NIM1K: variants seen among roughly 807,000 people sequenced by gnomAD.
NIM1K encodes the protein NIM1 serine/threonine protein kinase.
Under a neutral mutation model 37.1 loss-of-function variants are expected in NIM1K, and 35 were observed. The observed-to-expected ratio is 0.94, with a 90% CI of 0.72 to 1.25. The LOEUF is 1.25. NIM1K is among the 50% of genes most tolerant of loss of function. The pLI is 0.00. For missense variants in NIM1K, 564 were observed against 548.0 expected (o/e 1.03, Z -0.29); for synonymous variants, 234 against 206.6 (o/e 1.13, Z -1.14).
intron 2 of NIM1K, among the ~76,000 whole-genome samples, chr5:43,261,637 G>T (rs928908785): frequency 1.3e-5 from 2 of 151,762 alleles, no homozygotes; most frequent in African/African-American, 2.4e-5. Context: ...GTCAATTTTG[G>T]CTTTTGTTGC....
At position 43,265,642 on chromosome 5, in the gene NIM1K, C is replaced by T. The variant is rs532857709; in HGVS notation, c.293-11415C>T. 2.4e-4 allele frequency among the ~76,000 whole-genome samples: 37 copies of T among 152,336 alleles called. No individual in the cohort carries two copies. In the South Asian group the frequency reaches 5.6e-3, roughly 23 times the overall value. On this transcript the variant is annotated intron_variant, in intron 2 of 3. Transcript: ENST00000326035. Reference sequence around the variant, plus strand: ...CTCTCAACTCATCAAATTCATTCTCCGTCCAGCTTTGTTCTATGGCTGGCA... The same window carrying T: ...CTCTCAACTCATCAAATTCATTCTCTGTCCAGCTTTGTTCTATGGCTGGCA...
At chr5:43,265,077 G>A (rs1175144163) in intron 2 of NIM1K, among the ~76,000 whole-genome samples, 2 of 152,176 alleles carry the variant, frequency 1.3e-5, no homozygotes, top group Non-Finnish European at 2.9e-5. Context: ...CAACTTTGGT[G>A]AATCTGACAA....
At chr5:43,276,096 T>C (rs1753335806) in intron 2 of NIM1K, among the ~76,000 whole-genome samples, 1 of 152,152 alleles carries the variant, frequency 6.6e-6, no homozygotes, top group African/African-American at 2.4e-5. Context: ...GGTTTCACCA[T>C]GTTGGCCAGG....
At chr5:43,257,192 A>G (rs908679786) in intron 2 of NIM1K, among the ~76,000 whole-genome samples, 2 of 152,032 alleles carry the variant, frequency 1.3e-5, no homozygotes, top group African/African-American at 2.4e-5. Flanking sequence ...GTTGTCCTAG[A>G]AACCAAGTGA....
chr5:43,218,094 C>T (rs556880758), intron 1 of NIM1K, among the ~76,000 whole-genome samples: 8 of 151,946 alleles, frequency 5.3e-5, no homozygotes, highest in Non-Finnish European at 8.8e-5. Flanking sequence ...TCACTGCAAC[C>T]TCATCTCCTG....
At chr5:43,252,100 A>C (rs543685234) in intron 2 of NIM1K, among the ~76,000 whole-genome samples, 37 of 152,288 alleles carry the variant, frequency 2.4e-4, no homozygotes, top group African/African-American at 8.7e-4. Flanking sequence ...AATTCTGTAG[A>C]CAGGATATTA....
chr5:43,227,439 G>C lies in NIM1K; in HGVS notation c.-694-17643G>C, dbSNP rs145111582. On this transcript the variant is annotated intron_variant, in intron 1 of 3. Coordinates refer to ENST00000326035, the MANE Select transcript of NIM1K (RefSeq NM_153361.4). ...GGCACATAGTAAGCACTTGATAATAGATAGCTAACAATATTTCTTATACTA... is the reference window on the plus strand; with the variant it reads ...GGCACATAGTAAGCACTTGATAATACATAGCTAACAATATTTCTTATACTA... 6.8e-3 allele frequency among the ~76,000 whole-genome samples: 1,029 copies of C among 152,246 alleles called. 5 individuals are homozygous for C. Among genetic ancestry groups the C allele is most frequent in the Middle Eastern group, 0.034 (10 of 294 alleles).
At chr5:43,277,440 C>T (rs1753362717) in intron 3 of NIM1K, 115 bp downstream of exon 3, 1 of 1,097,696 alleles carries the variant, frequency 9.1e-7, no homozygotes, top group Non-Finnish European at 1.3e-6. Context: ...ACAAAGCAGA[C>T]AGTAGTCCCT....
intron 2 of NIM1K, among the ~76,000 whole-genome samples, chr5:43,249,447 A>C (rs1246183601): frequency 6.6e-6 from 1 of 152,172 alleles, no homozygotes; most frequent in East Asian, 1.9e-4. Context: ...TGTTTAATGA[A>C]ATGTCTGGGC....
At chr5:43,228,952 C>G (rs1459857001) in intron 1 of NIM1K, among the ~76,000 whole-genome samples, 2 of 152,200 alleles carry the variant, frequency 1.3e-5, no homozygotes, top group Non-Finnish European at 2.9e-5. Context: ...TTTAGATTAA[C>G]AGTATTACAT....
At chr5:43,272,043 C>T (rs767938871) in intron 2 of NIM1K, among the ~76,000 whole-genome samples, 3 of 152,206 alleles carry the variant, frequency 2.0e-5, no homozygotes, top group Non-Finnish European at 2.9e-5. Context: ...TATGAAGGTA[C>T]CACAATTTGT....
chr5:43,245,769 G>A lies in NIM1K; in HGVS notation c.-7G>A, dbSNP rs1201198427. 1.5e-5 allele frequency: 23 copies of A among 1,570,542 alleles called. No individual in the cohort carries two copies. The highest frequency in any genetic ancestry group is 1.8e-5 in the Non-Finnish European group (21 of 1,154,410). On this transcript the variant is annotated 5_prime_UTR_variant, in exon 2 of 4. The change creates a new upstream start codon in the 5' untranslated region. Coordinates refer to ENST00000326035, the MANE Select transcript of NIM1K (RefSeq NM_153361.4). ...CGCTGAGATGGAGACGTGAGCCCCC[G>A]TGGACGATGACTGCAGTGTATATGA...
intron 1 of NIM1K, among the ~76,000 whole-genome samples, chr5:43,197,345 A>T (rs905013107): frequency 1.3e-5 from 2 of 150,870 alleles, no homozygotes; most frequent in African/African-American, 4.9e-5. Flanking sequence ...GGGCCTCTCT[A>T]TGTTGCCCAG....
At chr5:43,248,195 T>C (rs1420301410) in intron 2 of NIM1K, among the ~76,000 whole-genome samples, 2 of 152,118 alleles carry the variant, frequency 1.3e-5, no homozygotes, top group Non-Finnish European at 2.9e-5. Flanking sequence ...TAGAGGAGAA[T>C]GTGAACAAAC....
At chr5:43,254,760 T>A (rs1339744161) in intron 2 of NIM1K, among the ~76,000 whole-genome samples, 1 of 152,062 alleles carries the variant, frequency 6.6e-6, no homozygotes, top group Non-Finnish European at 1.5e-5. Flanking sequence ...AGAGATGAAG[T>A]CTCAACTATG....
At chr5:43,198,163 CT>C (rs1294294041) in intron 1 of NIM1K, among the ~76,000 whole-genome samples, 1 of 51,442 alleles carries the variant, frequency 1.9e-5, no homozygotes, top group Non-Finnish European at 4.0e-5. Flanking sequence ...TTCTTTCTTT[CT>C]TTCTTTCTTT....
chr5:43,219,259 T>C (rs1205399242), intron 1 of NIM1K, among the ~76,000 whole-genome samples: 2 of 152,170 alleles, frequency 1.3e-5, no homozygotes, highest in Non-Finnish European at 2.9e-5. Context: ...ATGAAACATA[T>C]GAACATAATG....
At chr5:43,273,294 C>G (rs887755199) in intron 2 of NIM1K, among the ~76,000 whole-genome samples, 8 of 151,904 alleles carry the variant, frequency 5.3e-5, no homozygotes, top group Admixed American at 2.6e-4. Context: ...ACCTCTGCCC[C>G]CTGGGTTCAA....
intron 1 of NIM1K, among the ~76,000 whole-genome samples, chr5:43,213,216 T>C (rs59973244): frequency 1.6e-5 from 1 of 61,680 alleles, no homozygotes; most frequent in Admixed American, 1.4e-4. Flanking sequence ...TTTCTTTCTT[T>C]CTTTCTTTCC....
Sources: gnomAD v4.1 joint callset for allele counts (sites outside exome capture counted in the v4.1 genomes callset) on GRCh38, gnomAD v4.1.1 for gene constraint, MANE v1.5 for transcripts, NCBI Gene and HGNC (gene_info 2026-07-23, HGNC 2026-07-21) for gene names.